The following OCA2 variants were observed in gnomAD, a reference collection of about 807,000 sequenced individuals.
OCA2 encodes the protein P protein.
Under a neutral mutation model 100.2 loss-of-function variants are expected in OCA2, and 77 were observed. The ratio of observed to expected loss-of-function variants is 0.77; its 90% CI spans 0.64 to 0.93. The LOEUF (loss-of-function observed/expected upper bound fraction) is 0.93. Ranked by LOEUF, OCA2 falls within the 40% of genes least tolerant of loss-of-function variation. The pLI, the probability that OCA2 is intolerant of heterozygous loss-of-function variation, is 0.00. For synonymous variants in OCA2, 432 were observed against 439.2 expected, an observed-to-expected ratio of 0.98 and a Z score of 0.21; for missense variants, 1,062 against 1,089.1, an observed-to-expected ratio of 0.98 and a Z score of 0.35.
chr15:27,843,228 C>T (rs539791149), intron 23 of OCA2, among the ~76,000 whole-genome samples: 28 of 152,206 alleles, frequency 1.8e-4, no homozygotes, highest in African/African-American at 5.5e-4. Context: ...GTGAGAACGA[C>T]GGCCTTCCAG....
intron 23 of OCA2, among the ~76,000 whole-genome samples, chr15:27,772,742 G>A (rs1307755530): frequency 6.6e-6 from 1 of 151,908 alleles, no homozygotes; most frequent in Non-Finnish European, 1.5e-5. Context: ...TTGGGAGGCT[G>A]AGGCAGGAGA....
At chr15:27,853,617 G>A (rs921716900) in intron 21 of OCA2, among the ~76,000 whole-genome samples, 1 of 151,732 alleles carries the variant, frequency 6.6e-6, no homozygotes, top group Admixed American at 6.6e-5. Flanking sequence ...CAAACAGCAT[G>A]CCCCCTTGTG....
chr15:27,731,086 A>G, the OCA2 span, among the ~76,000 whole-genome samples: 20 of 152,120 alleles, frequency 1.3e-4, no homozygotes, highest in African/African-American at 4.1e-4. Flanking sequence ...CTCAGTTCCT[A>G]TGACTTAACC....
chr15:27,855,240 G>T (rs1042791634), intron 21 of OCA2, among the ~76,000 whole-genome samples: 5 of 152,186 alleles, frequency 3.3e-5, no homozygotes, highest in East Asian at 1.9e-4. Context: ...TGCACCATTT[G>T]CCCCTTTAAT....
At chr15:27,780,667 G>A (rs527397936) in intron 23 of OCA2, among the ~76,000 whole-genome samples, 2 of 152,304 alleles carry the variant, frequency 1.3e-5, no homozygotes, top group East Asian at 3.9e-4. Flanking sequence ...TGTGCACTGT[G>A]CTTCTCCAAG....
intron 7 of OCA2, among the ~76,000 whole-genome samples, chr15:28,017,925 A>C (rs971570118): frequency 6.6e-6 from 1 of 152,072 alleles, no homozygotes; most frequent in Non-Finnish European, 1.5e-5. Flanking sequence ...GCAGGATGTG[A>C]ATGAAGGCTT....
At chr15:27,789,797 T>C (rs980298070) in intron 23 of OCA2, among the ~76,000 whole-genome samples, 7 of 152,182 alleles carry the variant, frequency 4.6e-5, no homozygotes, top group Non-Finnish European at 7.4e-5. Context: ...CAAACAAAAA[T>C]AAATCTAAAC....
the OCA2 span, among the ~76,000 whole-genome samples, chr15:27,746,471 T>G: frequency 1.0e-4 from 1 of 9,600 alleles, no homozygotes; most frequent in African/African-American, 5.8e-4. Flanking sequence ...AAAAAATAAA[T>G]AAATAAATAA....
chr15:27,777,232 G>C (rs1222362567), intron 23 of OCA2, among the ~76,000 whole-genome samples: 1 of 152,128 alleles, frequency 6.6e-6, no homozygotes, highest in Non-Finnish European at 1.5e-5. Flanking sequence ...GCTCAAGTGA[G>C]ACTAAGGGAG....
chr15:27,941,424 T>C lies in OCA2; in HGVS notation c.1951+10360A>G, dbSNP rs1055449455. 1.2e-4 allele frequency among the ~76,000 whole-genome samples: 19 copies of C among 152,234 alleles called. No individual in the cohort carries two copies. In the East Asian group the frequency reaches 2.3e-3, roughly 18 times the overall value. On this transcript the variant is annotated intron_variant, in intron 18 of 23. Coordinates refer to ENST00000354638, the MANE Select transcript of OCA2 (RefSeq NM_000275.3). ...TTTAAAAATCTCGCAGTCTTACTGT[T>C]ATATGCAGACCTATGTGATCCAAGC...
rs2044629602 is a variant in OCA2, at chr15:28,081,700, T to C, written c.175A>G (p.Ser59Gly). The change falls in exon 2 of 24, where the codon AGC becomes GGC. Residue 59 changes from serine to glycine, a missense_variant. Coordinates refer to ENST00000354638, the MANE Select transcript of OCA2 (RefSeq NM_000275.3). ...HSCPRGAAGQ[S>G]SWAPAGQEFA... is the part of the protein sequence containing the mutation. ...TCCTGGCCTGCAGGAGCCCAAGAGC[T>C]CTGCCCGGCAGCCCCCCTGGGGCAG... is the stretch of plus-strand genomic sequence containing the variant. The C allele has an allele frequency of 6.2e-7, 1 of 1,613,738 alleles. No homozygotes were observed. The highest frequency in any genetic ancestry group is 8.5e-7 in the Non-Finnish European group (1 of 1,180,008).
intron 23 of OCA2, among the ~76,000 whole-genome samples, chr15:27,773,125 T>G (rs1224156648): frequency 1.3e-5 from 2 of 152,226 alleles, no homozygotes; most frequent in African/African-American, 4.8e-5. Flanking sequence ...TATTAGCCAT[T>G]TATTTTTGTT....
At chr15:27,730,550 G>T in the OCA2 span, among the ~76,000 whole-genome samples, 1 of 151,554 alleles carries the variant, frequency 6.6e-6, no homozygotes, top group African/African-American at 2.4e-5. Flanking sequence ...AAGGTTGGGG[G>T]CTGGACTAAA....
chr15:27,978,240 GT>G (rs1394751542), intron 14 of OCA2, among the ~76,000 whole-genome samples: 1 of 152,152 alleles, frequency 6.6e-6, no homozygotes, highest in East Asian at 1.9e-4. Flanking sequence ...AATGTTTCAA[GT>G]GCAGTTGGAA....
intron 3 of OCA2, among the ~76,000 whole-genome samples, chr15:28,031,273 A>T (rs1043826020): frequency 6.6e-6 from 1 of 152,202 alleles, no homozygotes; most frequent in Non-Finnish European, 1.5e-5. Context: ...GGCTATCCTC[A>T]GCTTTGTGCT....
chr15:28,066,018 A>G (rs922082474), intron 2 of OCA2, among the ~76,000 whole-genome samples: 1 of 152,204 alleles, frequency 6.6e-6, no homozygotes, highest in African/African-American at 2.4e-5. Flanking sequence ...CCCCCACAAA[A>G]AAATCTACAA....
At chr15:27,946,519 G>A (rs537385674) in intron 18 of OCA2, among the ~76,000 whole-genome samples, 8 of 152,294 alleles carry the variant, frequency 5.3e-5, no homozygotes, top group East Asian at 1.9e-4. Context: ...ATTCCCGTAC[G>A]TCACTTTACC....
the OCA2 span, among the ~76,000 whole-genome samples, chr15:27,735,092 C>T: frequency 6.6e-6 from 1 of 151,136 alleles, no homozygotes; most frequent in Non-Finnish European, 1.5e-5. Flanking sequence ...CAAGAAAATA[C>T]AGGAGAAAAA....
At chr15:27,933,403 AT>A (rs1451491050) in intron 18 of OCA2, among the ~76,000 whole-genome samples, 1 of 152,104 alleles carries the variant, frequency 6.6e-6, no homozygotes, top group African/African-American at 2.4e-5. Flanking sequence ...TCATTGCTTA[AT>A]GATTATAGGG....
Sources: gnomAD v4.1 joint callset for allele counts (sites outside exome capture counted in the v4.1 genomes callset) on GRCh38, gnomAD v4.1.1 for gene constraint, MANE v1.5 for transcripts, NCBI Gene and HGNC (gene_info 2026-07-23, HGNC 2026-07-21) for gene names.